Variants in NCOA1 observed in about 807,000 individuals in gnomAD.
NCOA1 encodes Hin-2 protein.
A neutral mutation model predicts 150.9 loss-of-function variants in NCOA1; 35 were observed. The observed-to-expected ratio is 0.23, with a 90% confidence interval of 0.18 to 0.31. NCOA1 has a LOEUF of 0.31. Among genes scored for constraint, NCOA1 ranks in the 10% least tolerant of loss-of-function variants. The pLI is 1.00. For synonymous variants in NCOA1, 590 were observed against 630.0 expected (o/e 0.94, Z 0.95); for missense variants, 1,491 against 1,749.3 (o/e 0.85, Z 2.63).
chr2:24,658,791 T>C, intron 5 of NCOA1, 25 bp downstream of exon 5: 1 of 1,607,660 alleles, frequency 6.2e-7, no homozygotes, highest in Non-Finnish European at 8.5e-7. Flanking sequence ...CTTAGTCTAT[T>C]TTTGGCAGAG....
In NCOA1 at chr2:24,768,251, G is replaced by A. The variant is rs1159820120; in HGVS notation, c.4186G>A (p.Val1396Ile). The change falls in exon 23 of 23, where the codon GTC becomes ATC. Residue 1396 changes from valine (V) to isoleucine (I), a missense_variant. Around this residue, in one of 8 missense-constraint regions of NCOA1, gnomAD observed 46 missense variants for 78.8 expected, o/e 0.58. Transcript: ENST00000348332. ...QVQQVQVFAD[V>I]QCTVNLVGGD... ...GCAACAGGTTCAGGTGTTTGCTGAC[G>A]TCCAGTGTACAGTGAATCTGGTAGG... 6.2e-6 allele frequency: 10 copies of A among 1,613,260 alleles called. No individual in the cohort carries two copies. The highest frequency in any genetic ancestry group is 4.5e-5 in the East Asian group (2 of 44,864).
In NCOA1 at chr2:24,608,290, A is replaced by G. The variant is rs1311025035; in HGVS notation, c.-175+23730A>G. On this transcript the variant is annotated intron_variant, in intron 3 of 22. Coordinates refer to ENST00000348332, the MANE Select transcript of NCOA1 (RefSeq NM_003743.5). ...TATTATTATTATTATTATTATTATTATTATTATTTTGAGACAGTCTTGCTC... is the reference window on the plus strand; with the variant it reads ...TATTATTATTATTATTATTATTATTGTTATTATTTTGAGACAGTCTTGCTC... Among the ~76,000 whole-genome samples the G allele has an allele frequency of 2.9e-5, 4 of 139,012 alleles. No individual in the cohort carries two copies. In the East Asian group the frequency reaches 8.4e-4, roughly 29 times the overall value. The allele number at this position is 139,012 out of a possible 152,430, so 91.2% of individuals were successfully genotyped here.
In NCOA1 at chr2:24,664,935, T is replaced by C. The variant is rs571523945; in HGVS notation, c.90-814T>C. On this transcript the variant is annotated intron_variant, in intron 5 of 22. Coordinates refer to ENST00000348332, the MANE Select transcript of NCOA1 (RefSeq NM_003743.5). ...TTTCAAAGTCATACTTAACTGTCTTTATATGTATTACAAAACAAGTTGTCT... is the reference window on the plus strand; with the variant it reads ...TTTCAAAGTCATACTTAACTGTCTTCATATGTATTACAAAACAAGTTGTCT... Among the ~76,000 whole-genome samples, 11 of 152,308 alleles carry C rather than the reference T, an allele frequency of 7.2e-5. No homozygotes were observed. In the South Asian group the frequency reaches 2.3e-3, roughly 32 times the overall value.
At chr2:24,638,125 C>T (rs371876351) in intron 3 of NCOA1, among the ~76,000 whole-genome samples, 1 of 151,638 alleles carries the variant, frequency 6.6e-6, no homozygotes, top group South Asian at 2.1e-4. Flanking sequence ...CCTCTTCCCC[C>T]TACCCTTCCC....
At chr2:24,689,444 T>C (rs1257571219) in intron 8 of NCOA1, among the ~76,000 whole-genome samples, 1 of 152,088 alleles carries the variant, frequency 6.6e-6, no homozygotes, top group Non-Finnish European at 1.5e-5. Flanking sequence ...AGTCTCACTC[T>C]GTCACCCAGG....
intron 3 of NCOA1, among the ~76,000 whole-genome samples, chr2:24,642,854 A>G (rs1216118477): frequency 6.6e-6 from 1 of 152,240 alleles, no homozygotes; most frequent in African/African-American, 2.4e-5. Flanking sequence ...GCTGAGTGAA[A>G]AAAGCCAACT....
chr2:24,748,041 G>T (rs549530729), intron 19 of NCOA1, among the ~76,000 whole-genome samples: 112 of 151,924 alleles, frequency 7.4e-4, no homozygotes, highest in African/African-American at 2.7e-3. Context: ...AGGAGGCGGA[G>T]GTTGTGGTGA....
At chr2:24,720,290 A>T (rs1674292026) in intron 14 of NCOA1, among the ~76,000 whole-genome samples, 1 of 152,238 alleles carries the variant, frequency 6.6e-6, no homozygotes, top group East Asian at 1.9e-4. Flanking sequence ...TTTATTTATT[A>T]TGGGCCTCTT....
intron 15 of NCOA1, among the ~76,000 whole-genome samples, chr2:24,728,084 A>G (rs1018425654): frequency 3.9e-5 from 6 of 152,230 alleles, no homozygotes; most frequent in Non-Finnish European, 7.3e-5. Context: ...ATATGGGAAC[A>G]AAGTTCAATG....
intron 14 of NCOA1, among the ~76,000 whole-genome samples, chr2:24,715,634 G>T (rs975019352): frequency 1.3e-5 from 2 of 151,956 alleles, no homozygotes; most frequent in African/African-American, 4.8e-5. Flanking sequence ...TATAGAAAAA[G>T]CAATTTACAA....
At chr2:24,747,365 G>C (rs1416543796) in intron 19 of NCOA1, among the ~76,000 whole-genome samples, 1 of 137,704 alleles carries the variant, frequency 7.3e-6, no homozygotes, top group Admixed American at 7.5e-5. Flanking sequence ...TTGAGATAGG[G>C]TCTTGCTCTG....
intron 3 of NCOA1, among the ~76,000 whole-genome samples, chr2:24,627,681 G>A (rs1369655816): frequency 6.6e-6 from 1 of 152,178 alleles, no homozygotes; most frequent in East Asian, 1.9e-4. Flanking sequence ...CTGCCATAAT[G>A]TTTTGGAGAT....
At chr2:24,630,961 G>A (rs1254489274) in intron 3 of NCOA1, among the ~76,000 whole-genome samples, 3 of 151,962 alleles carry the variant, frequency 2.0e-5, no homozygotes, top group East Asian at 3.9e-4. Context: ...TAATATGGAT[G>A]GTTTGATTTC....
intron 7 of NCOA1, among the ~76,000 whole-genome samples, chr2:24,676,614 T>C (rs1192256475): frequency 6.6e-6 from 1 of 152,152 alleles, no homozygotes; most frequent in Non-Finnish European, 1.5e-5. Flanking sequence ...CAGCCATGGT[T>C]TGTAACCAGG....
chr2:24,601,335 T>C (rs1156723141), intron 3 of NCOA1, among the ~76,000 whole-genome samples: 1 of 152,008 alleles, frequency 6.6e-6, no homozygotes, highest in East Asian at 1.9e-4. Context: ...ACTTCAGCTT[T>C]CCAAATAGCT....
At chr2:24,681,409 C>T (rs748878921) in intron 7 of NCOA1, among the ~76,000 whole-genome samples, 8 of 152,116 alleles carry the variant, frequency 5.3e-5, no homozygotes, top group Non-Finnish European at 1.2e-4. Flanking sequence ...ACAGAAAATG[C>T]TCTAAGATTT....
At chr2:24,500,881 G>C (rs1663431890) in intron 1 of NCOA1, among the ~76,000 whole-genome samples, 1 of 152,052 alleles carries the variant, frequency 6.6e-6, no homozygotes, top group Non-Finnish European at 1.5e-5. Context: ...GTAGGGAAAG[G>C]ATATTGAAAA....
chr2:24,734,118 A>G (rs1464196175), intron 17 of NCOA1, among the ~76,000 whole-genome samples: 6 of 151,428 alleles, frequency 4.0e-5, no homozygotes, highest in Non-Finnish European at 7.4e-5. Context: ...TGGAGGTTGC[A>G]GTGAGCCAAG....
chr2:24,540,667 C>G (rs1232837345), intron 1 of NCOA1, among the ~76,000 whole-genome samples: 3 of 152,014 alleles, frequency 2.0e-5, no homozygotes, highest in Non-Finnish European at 4.4e-5. Context: ...CCATGTTGGC[C>G]AGGCTGGTCT....
Sources: allele counts gnomAD v4.1 joint callset (sites outside exome capture counted in the v4.1 genomes callset), GRCh38; gene constraint gnomAD v4.1.1; regional missense constraint gnomAD v4.1.1; transcripts MANE v1.5; gene names NCBI Gene and HGNC (gene_info 2026-07-23, HGNC 2026-07-21).